BMP7: variants seen among roughly 807,000 people sequenced by gnomAD.
BMP7 encodes the protein bone morphogenetic protein 7, also known as osteogenic protein 1.
In BMP7, 12 loss-of-function variants were observed where a neutral mutation model predicts 41.2. The observed-to-expected ratio is 0.29, with a 90% CI of 0.19 to 0.47. BMP7 has a LOEUF of 0.47. Among genes scored for constraint, BMP7 ranks in the 20% least tolerant of loss-of-function variants. The pLI, the probability that BMP7 is intolerant of heterozygous loss-of-function variation, is 0.99. For synonymous variants in BMP7, 248 were observed against 250.0 expected, an observed-to-expected ratio of 0.99 and a Z score of 0.07; for missense variants, 467 against 606.0, an observed-to-expected ratio of 0.77 and a Z score of 2.41.
chr20:57,247,330 G>A (rs2066094313), intron 1 of BMP7, among the ~76,000 whole-genome samples: 1 of 152,198 alleles, frequency 6.6e-6, no homozygotes. Flanking sequence ...TCTGCATGTT[G>A]ACTTAATTCT....
chr20:57,240,844 C>G (rs1222915972), intron 1 of BMP7, among the ~76,000 whole-genome samples: 1 of 152,170 alleles, frequency 6.6e-6, no homozygotes, highest in Non-Finnish European at 1.5e-5. Context: ...CAATTACCTC[C>G]CCCTGGGTGC....
At chr20:57,173,122 CT>C in intron 6 of BMP7, 77 bp downstream of exon 6, 1 of 1,454,928 alleles carries the variant, frequency 6.9e-7, no homozygotes, top group Non-Finnish European at 9.6e-7. Flanking sequence ...CAGGCCCCAG[CT>C]TGGAGGCAGC....
At chr20:57,181,432 G>C (rs1052858525) in intron 4 of BMP7, among the ~76,000 whole-genome samples, 1 of 151,426 alleles carries the variant, frequency 6.6e-6, no homozygotes, top group African/African-American at 2.4e-5. Flanking sequence ...GGAGGTCAAG[G>C]CTACAGTAAG....
intron 4 of BMP7, among the ~76,000 whole-genome samples, chr20:57,175,598 G>A (rs1485978198): frequency 1.3e-5 from 2 of 152,188 alleles, no homozygotes; most frequent in African/African-American, 4.8e-5. Flanking sequence ...AATGATACAG[G>A]GGGTTTTCCA....
intron 1 of BMP7, among the ~76,000 whole-genome samples, chr20:57,245,554 T>C (rs916935516): frequency 6.6e-6 from 1 of 151,694 alleles, no homozygotes; most frequent in Admixed American, 6.6e-5. Context: ...CTATATGAAA[T>C]GTAACTGGAA....
chr20:57,202,656 G>A (rs767362735), intron 2 of BMP7, 33 bp from the exon 3 acceptor site: 15 of 1,356,604 alleles, frequency 1.1e-5, no homozygotes, highest in South Asian at 9.1e-5. Context: ...CGGGCTTCGC[G>A]TTAGCCAGGT....
At chr20:57,239,368 G>A (rs1185739945) in intron 1 of BMP7, among the ~76,000 whole-genome samples, 1 of 152,214 alleles carries the variant, frequency 6.6e-6, no homozygotes. Flanking sequence ...ACTGATGCAA[G>A]AGGTGGCTTC....
intron 1 of BMP7, among the ~76,000 whole-genome samples, chr20:57,235,443 G>T (rs1341782894): frequency 1.3e-5 from 2 of 152,156 alleles, no homozygotes; most frequent in African/African-American, 4.8e-5. Context: ...CTGTTTCCAT[G>T]TCAACAATTT....
Position 57,214,709 on chromosome 20 carries a change from G to A in BMP7, c.612-12086C>T, listed in dbSNP as rs1432890620. Among the ~76,000 whole-genome samples the A allele has an allele frequency of 6.6e-6, 1 of 152,212 alleles. No individual in the cohort carries two copies. Among genetic ancestry groups the A allele is most frequent in the Non-Finnish European group, 1.5e-5 (1 of 68,038 alleles). ...ATGCCCTAATGGTGCATCCACGTCG[G>A]ACACGCTCCAAGCCCAAGTCCTCTC... is the stretch of plus-strand genomic sequence containing the variant. On this transcript the variant is annotated intron_variant, in intron 2 of 6. Transcript: ENST00000395863. This position sits in a 1 kb window ranked among gnomAD's most constrained non-coding sequence, Gnocchi z 4.0.
At chr20:57,209,249 T>TCTA in intron 2 of BMP7, among the ~76,000 whole-genome samples, 1 of 94,870 alleles carries the variant, frequency 1.1e-5, no homozygotes, top group East Asian at 3.5e-4. Flanking sequence ...TTATATATTT[T>TCTA]TATATATATA....
rs180925870 is a variant in BMP7 at position 57,245,482 on chromosome 20, A to G, written c.419-17061T>C. ...CTGCCTCAGCCTCCCAAAGTGCTGG[A>G]ATTACAGGCATGAGGCACCCTACGG... On this transcript the variant is annotated intron_variant, in intron 1 of 6. Transcript: ENST00000395863. Among the ~76,000 whole-genome samples, 209 of 147,904 alleles carry G rather than the reference A, an allele frequency of 1.4e-3. 1 individual carries two copies. Among genetic ancestry groups the G allele is most frequent in the African/African-American group, 4.9e-3 (197 of 40,088 alleles).
intron 4 of BMP7, among the ~76,000 whole-genome samples, chr20:57,180,421 C>T (rs1984052148): frequency 6.6e-6 from 1 of 152,058 alleles, no homozygotes; most frequent in South Asian, 2.1e-4. Context: ...AGCCTGGCCT[C>T]GTGGGCACCC....
At chr20:57,188,789 C>A (rs1375710829) in intron 3 of BMP7, among the ~76,000 whole-genome samples, 2 of 152,186 alleles carry the variant, frequency 1.3e-5, no homozygotes, top group Middle Eastern at 6.3e-3. Context: ...CATGGCCCAC[C>A]CCATCCTCAA....
intron 1 of BMP7, among the ~76,000 whole-genome samples, chr20:57,251,200 T>C (rs2066111877): frequency 6.6e-6 from 1 of 152,072 alleles, no homozygotes; most frequent in Non-Finnish European, 1.5e-5. Context: ...TCTTCCTGTC[T>C]CCCCACATGG....
chr20:57,200,833 T>C (rs1984601987), intron 3 of BMP7, among the ~76,000 whole-genome samples: 1 of 152,060 alleles, frequency 6.6e-6, no homozygotes, highest in South Asian at 2.1e-4. Context: ...ACTTCAGGAA[T>C]TGGTCCTAGA....
In BMP7 at chr20:57,169,410, A is replaced by G. The variant is rs1983763505; in HGVS notation, c.*1549T>C. On this transcript the variant is annotated 3_prime_UTR_variant, in exon 7 of 7. Transcript: ENST00000395863. ...GTGCATACTATTTATGGGACTCACC[A>G]GCCAAGGCAAGGCAGGCTTACACCA... The G allele has an allele frequency of 6.6e-6, 1 of 152,280 alleles. No individual in the cohort carries two copies. Among genetic ancestry groups the G allele is most frequent in the Non-Finnish European group, 1.5e-5 (1 of 68,062 alleles). 9.4% of individuals were successfully genotyped at this position (152,280 alleles called of 1,614,324 possible).
In BMP7 at chr20:57,228,296, G is replaced by C; in HGVS notation, c.544C>G (p.Arg182Gly). The change falls in exon 2 of 7, where the codon CGG becomes GGG. Residue 182 changes from arginine (R) to glycine (G), a missense_variant. By Grantham distance (125) the Arg-to-Gly change is moderately radical (BLOSUM62 -2). Around this residue, in one of 2 missense-constraint regions of BMP7, gnomAD observed 407 missense variants for 485.9 expected, o/e 0.84. Transcript: ENST00000395863. The surrounding 1 kb of genome is among the most constrained non-coding windows in gnomAD (Gnocchi z 4.5). The part of the protein sequence containing the change: ...AEFRIYKDYI[R>G]ERFDNETFRI... The stretch of plus-strand genomic sequence containing the variant: ...AACGTCTCATTGTCGAAGCGTTCCC[G>C]GATGTAGTCCTTGTAGATCCGGAAT... 6.2e-7 allele frequency: 1 copy of C among 1,614,108 alleles called. No individual in the cohort carries two copies. Among genetic ancestry groups the C allele is most frequent in the Non-Finnish European group, 8.5e-7 (1 of 1,180,026 alleles).
intron 1 of BMP7, among the ~76,000 whole-genome samples, chr20:57,232,504 A>G (rs984536298): frequency 6.6e-6 from 1 of 152,270 alleles, no homozygotes; most frequent in Non-Finnish European, 1.5e-5. Flanking sequence ...GTCATGCCCA[A>G]TGAAGAAAGA....
chr20:57,212,824 G>C (rs1313012120), intron 2 of BMP7, among the ~76,000 whole-genome samples: 1 of 152,168 alleles, frequency 6.6e-6, no homozygotes, highest in Non-Finnish European at 1.5e-5. Context: ...GCCAGCTCCC[G>C]GGTCCAAGGG....
Sources: gnomAD v4.1 joint callset for allele counts (sites outside exome capture counted in the v4.1 genomes callset) on GRCh38, gnomAD v4.1.1 for gene constraint, gnomAD v4.1.1 regional missense constraint, Gnocchi (gnomAD v3.1) non-coding constraint, MANE v1.5 for transcripts, NCBI Gene and HGNC (gene_info 2026-07-23, HGNC 2026-07-21) for gene names.